NRG3: variants seen among roughly 807,000 people sequenced by gnomAD.
NRG3 encodes pro-neuregulin-3, membrane-bound isoform.
A neutral mutation model predicts 66.9 loss-of-function variants in NRG3; 31 were observed. The observed-to-expected ratio is 0.46, with a 90% CI of 0.35 to 0.63. The LOEUF (loss-of-function observed/expected upper bound fraction) is 0.63, where lower values mean the gene tolerates loss of function less well. Among genes scored for constraint, NRG3 ranks in the 20% least tolerant of loss-of-function variants. The pLI is 0.00. For missense variants in NRG3, 910 were observed against 878.9 expected (o/e 1.04, Z -0.45); for synonymous variants, 393 against 359.4 (o/e 1.09, Z -1.06).
At chr10:82,214,027 A>G (rs1009727951) in intron 1 of NRG3, among the ~76,000 whole-genome samples, 16 of 152,166 alleles carry the variant, frequency 1.1e-4, no homozygotes, top group African/African-American at 3.6e-4. Context: ...CCAAGCAGCT[A>G]TGAAGATGGC....
At chr10:82,262,754 G>T (rs975799044) in intron 1 of NRG3, among the ~76,000 whole-genome samples, 6 of 152,198 alleles carry the variant, frequency 3.9e-5, no homozygotes, top group African/African-American at 1.4e-4. Context: ...GCTAGGCGCA[G>T]TGTGCCTTCT....
At chr10:82,049,784 C>G (rs2063502858) in intron 1 of NRG3, among the ~76,000 whole-genome samples, 2 of 151,832 alleles carry the variant, frequency 1.3e-5, no homozygotes, top group African/African-American at 4.8e-5. Flanking sequence ...ATATGAGTAG[C>G]CCAGAGCTCA....
intron 3 of NRG3, among the ~76,000 whole-genome samples, chr10:82,745,795 G>A (rs905899714): frequency 4.6e-5 from 7 of 152,124 alleles, no homozygotes; most frequent in Non-Finnish European, 7.4e-5. Flanking sequence ...TTTCCTATGG[G>A]TACCTGATTC....
chr10:82,408,129 AAGAAAGAAAGAAAG>A (rs1267460042), intron 2 of NRG3, among the ~76,000 whole-genome samples: 1 of 128,902 alleles, frequency 7.8e-6, no homozygotes, highest in African/African-American at 3.3e-5. Flanking sequence ...GAAAGAAAGA[AAGAAAGAAAGAAAG>A]AAAAGAAAAA....
intron 3 of NRG3, among the ~76,000 whole-genome samples, chr10:82,863,970 T>G (rs512064): frequency 0.64 from 96,567 of 152,046 alleles, 31,641 homozygotes; most frequent in African/African-American, 0.8. Flanking sequence ...GCCAGGGAAA[T>G]AAATGAATGC....
chr10:82,951,408 G>T, intron 4 of NRG3, 61 bp from the exon 5 acceptor site: 2 of 1,318,170 alleles, frequency 1.5e-6, no homozygotes, highest in Non-Finnish European at 2.2e-6. Context: ...GTACATGGAT[G>T]AAGATAGTTG....
chr10:82,610,176 A>C (rs1167708410), intron 2 of NRG3, among the ~76,000 whole-genome samples: 1 of 152,106 alleles, frequency 6.6e-6, no homozygotes, highest in Non-Finnish European at 1.5e-5. Context: ...AGGGCTTCAA[A>C]CCCTCCTCAC....
rs1198007286 is a variant in NRG3, at chr10:82,264,681, G to A, written c.824-94058G>A. 2.6e-5 allele frequency among the ~76,000 whole-genome samples: 4 copies of A among 152,148 alleles called. No homozygotes were observed. In the South Asian group the frequency reaches 8.3e-4, roughly 32 times the overall value. On this transcript the variant is annotated intron_variant, in intron 1 of 8. Transcript: ENST00000372141. ...ACAATGTTGCCAATGAAGGAGCAGG[G>A]AAAGAAGCCACAGGCAGGGAGAGAA... is the stretch of plus-strand genomic sequence containing the variant.
intron 1 of NRG3, among the ~76,000 whole-genome samples, chr10:82,074,664 TACAA>T (rs1449525189): frequency 6.6e-6 from 1 of 152,054 alleles, no homozygotes; most frequent in Non-Finnish European, 1.5e-5. Flanking sequence ...ACTCTCTCTC[TACAA>T]ACAAAGTTTT....
chr10:82,953,140 C>A (rs1050604162), intron 5 of NRG3, among the ~76,000 whole-genome samples: 1 of 151,952 alleles, frequency 6.6e-6, no homozygotes, highest in African/African-American at 2.4e-5. Context: ...ATCTCCTAGG[C>A]AACTCTTGGC....
chr10:82,271,045 C>T (rs1008674343), intron 1 of NRG3, among the ~76,000 whole-genome samples: 1 of 152,002 alleles, frequency 6.6e-6, no homozygotes, highest in African/African-American at 2.4e-5. Flanking sequence ...TAAGCCTTTA[C>T]CACCTTAGTT....
rs375862309 is a variant in NRG3 at position 82,346,935 on chromosome 10, G to A, written c.824-11804G>A. Among the ~76,000 whole-genome samples, 94 of 151,780 alleles carry A rather than the reference G, an allele frequency of 6.2e-4. 2 individuals are homozygous for A. The South Asian group carries it at 0.011, about 17-fold the overall frequency. ...TATCCCCTTTATCATTTTTTATTGC[G>A]TCTATTTGATTCTTCTCTCTTTTTT... On this transcript the variant is annotated intron_variant, in intron 1 of 8. Coordinates refer to ENST00000372141, the MANE Select transcript of NRG3 (RefSeq NM_001010848.4).
intron 2 of NRG3, among the ~76,000 whole-genome samples, chr10:82,589,606 C>T (rs542711609): frequency 8.7e-4 from 132 of 152,130 alleles, no homozygotes; most frequent in Admixed American, 1.5e-3. Context: ...AGACACCCCT[C>T]GGAGTCTAAA....
intron 6 of NRG3, among the ~76,000 whole-genome samples, chr10:82,970,783 T>C (rs1439079270): frequency 6.6e-6 from 1 of 152,226 alleles, no homozygotes; most frequent in African/African-American, 2.4e-5. Flanking sequence ...GTAACAAATG[T>C]CTTTCTCCCA....
intron 1 of NRG3, among the ~76,000 whole-genome samples, chr10:82,074,597 A>G (rs1210856953): frequency 6.6e-6 from 1 of 152,178 alleles, no homozygotes; most frequent in Non-Finnish European, 1.5e-5. Context: ...TGGGAGGCCC[A>G]GGTGGGAGGA....
chr10:82,540,041 C>T (rs1313096174), intron 2 of NRG3, among the ~76,000 whole-genome samples: 4 of 152,106 alleles, frequency 2.6e-5, no homozygotes, highest in Admixed American at 6.6e-5. Context: ...ATTTATTTTG[C>T]TCTTACTCCA....
chr10:82,266,397 G>A (rs1393831328), intron 1 of NRG3, among the ~76,000 whole-genome samples: 9 of 152,232 alleles, frequency 5.9e-5, no homozygotes, highest in East Asian at 3.9e-4. Context: ...GGGCTACAGC[G>A]TGCAGAGTCC....
At chr10:82,739,029 C>T (rs564001199) in intron 3 of NRG3, among the ~76,000 whole-genome samples, 63 of 152,194 alleles carry the variant, frequency 4.1e-4, no homozygotes, top group South Asian at 4.1e-4. Context: ...CCGCTTCTTA[C>T]GCTTTGGTTG....
chr10:81,979,788 C>G (rs965164061), intron 1 of NRG3, among the ~76,000 whole-genome samples: 1 of 152,168 alleles, frequency 6.6e-6, no homozygotes, highest in Non-Finnish European at 1.5e-5. Flanking sequence ...CAAGACCGCT[C>G]TAATGGGTTT....
Sources: allele counts gnomAD v4.1 joint callset (sites outside exome capture counted in the v4.1 genomes callset), GRCh38; gene constraint gnomAD v4.1.1; transcripts MANE v1.5; gene names NCBI Gene and HGNC (gene_info 2026-07-23, HGNC 2026-07-21).